The following PIGL variants were observed in gnomAD, a reference collection of about 807,000 sequenced individuals.
The protein encoded by PIGL is phosphatidylinositol glycan anchor biosynthesis class L, also known as N-acetylglucosaminyl-phosphatidylinositol de-N-acetylase.
Under a neutral mutation model 31.1 loss-of-function variants are expected in PIGL, and 22 were observed. That is an observed-to-expected ratio of 0.71 (90% confidence interval 0.51 to 1.01). The LOEUF (loss-of-function observed/expected upper bound fraction) is 1.01. Ranked by LOEUF, PIGL falls within the 50% of genes least tolerant of loss-of-function variation. PIGL has a pLI of 0.00. For synonymous variants in PIGL, 131 were observed against 117.4 expected, an observed-to-expected ratio of 1.12 and a Z score of -0.75; for missense variants, 302 against 315.9, an observed-to-expected ratio of 0.96 and a Z score of 0.33.
intron 2 of PIGL, among the ~76,000 whole-genome samples, chr17:16,245,347 G>A (rs923901574): frequency 7.9e-5 from 12 of 151,684 alleles, no homozygotes; most frequent in Non-Finnish European, 1.6e-4. Context: ...GGCTGGTCTT[G>A]AAGTCCTGAA....
At chr17:16,276,222 TAAG>T (rs1198683689) in intron 2 of PIGL, among the ~76,000 whole-genome samples, 1 of 152,150 alleles carries the variant, frequency 6.6e-6, no homozygotes, top group Non-Finnish European at 1.5e-5. Flanking sequence ...GTAAACTAAA[TAAG>T]AAGTCTTTCC....
At chr17:16,315,715 T>C (rs1189370043) in intron 4 of PIGL, among the ~76,000 whole-genome samples, 2 of 117,670 alleles carry the variant, frequency 1.7e-5, no homozygotes, top group African/African-American at 3.4e-5. Context: ...TTTCTTTTTT[T>C]TTTTTTTTTT....
chr17:16,285,669 G>A (rs757912208), intron 2 of PIGL, among the ~76,000 whole-genome samples: 4 of 152,170 alleles, frequency 2.6e-5, no homozygotes, highest in Non-Finnish European at 5.9e-5. Context: ...CTCCTAAGCT[G>A]CTTAGAAATG....
At chr17:16,294,092 T>A (rs747381976) in intron 2 of PIGL, among the ~76,000 whole-genome samples, 1 of 152,210 alleles carries the variant, frequency 6.6e-6, no homozygotes, top group Non-Finnish European at 1.5e-5. Context: ...TTTCTTTTAG[T>A]GGCTCCACCC....
At chr17:16,234,852 T>G (rs2092693365) in intron 2 of PIGL, among the ~76,000 whole-genome samples, 1 of 152,238 alleles carries the variant, frequency 6.6e-6, no homozygotes, top group Admixed American at 6.5e-5. Flanking sequence ...GGATTTTTTT[T>G]CCTGACATGG....
rs1446121481 is a variant in PIGL at position 16,233,985 on chromosome 17, C to A, written c.250C>A (p.Gln84Lys). 3 of 1,603,778 alleles carry A rather than the reference C, an allele frequency of 1.9e-6. No homozygotes were observed. The highest frequency in any genetic ancestry group is 2.2e-5 in the South Asian group (2 of 90,822). ...GTTACCCTCAGGAAATTACTACAAT[C>A]AAGGAGAGACTCGTAAGAAAGAACT... ...LCFSAGNYYN[Q>K]GETRKKELLQ... Residue 84 changes from glutamine to lysine, a missense_variant, in exon 2 of 7, where the codon CAA becomes AAA. Physicochemically the swap from Gln to Lys is moderately conservative, Grantham distance 53 (BLOSUM62 1). Transcript: ENST00000225609.
intron 3 of PIGL, among the ~76,000 whole-genome samples, chr17:16,302,326 T>C (rs2093008282): frequency 6.6e-6 from 1 of 152,130 alleles, no homozygotes; most frequent in African/African-American, 2.4e-5. Context: ...TTAGGAATAA[T>C]GCCTAGCTGT....
At chr17:16,257,190 G>T (rs530933376) in intron 2 of PIGL, among the ~76,000 whole-genome samples, 34 of 152,168 alleles carry the variant, frequency 2.2e-4, no homozygotes, top group Middle Eastern at 6.3e-3. Context: ...ACTGAGGCAG[G>T]TTGATCACCT....
intron 3 of PIGL, among the ~76,000 whole-genome samples, chr17:16,305,340 G>A (rs1361826007): frequency 6.6e-6 from 1 of 152,150 alleles, no homozygotes; most frequent in Non-Finnish European, 1.5e-5. Flanking sequence ...TGACCCTGGG[G>A]CAAAACTATC....
chr17:16,321,948 C>G (rs2093107870), intron 6 of PIGL, among the ~76,000 whole-genome samples: 1 of 151,948 alleles, frequency 6.6e-6, no homozygotes, highest in Admixed American at 6.6e-5. Context: ...CCACGCCTGG[C>G]TAATTTTGTA....
At chr17:16,284,222 C>T (rs532366125) in intron 2 of PIGL, among the ~76,000 whole-genome samples, 15 of 152,222 alleles carry the variant, frequency 9.9e-5, no homozygotes, top group African/African-American at 3.6e-4. Flanking sequence ...GGTGATCTAC[C>T]CGCCTTGGCC....
At chr17:16,317,459 A>G in intron 5 of PIGL, 5 of 1,082,544 alleles carry the variant, frequency 4.6e-6, no homozygotes, top group Non-Finnish European at 5.6e-6. Flanking sequence ...CTAAACTCCC[A>G]ATACAGTAAT....
intron 2 of PIGL, among the ~76,000 whole-genome samples, chr17:16,266,312 C>T (rs2092842460): frequency 6.9e-6 from 1 of 144,498 alleles, no homozygotes; most frequent in Non-Finnish European, 1.5e-5. Flanking sequence ...TCGCTTGAAC[C>T]TGAGAGAGGG....
intron 2 of PIGL, among the ~76,000 whole-genome samples, chr17:16,264,489 A>G (rs2092833184): frequency 6.6e-6 from 1 of 152,102 alleles, no homozygotes; most frequent in South Asian, 2.1e-4. Context: ...TAGCTGCTCT[A>G]GAAAATAACT....
intron 2 of PIGL, among the ~76,000 whole-genome samples, chr17:16,246,672 C>CTTTTTTTTTTTTTTTTTTTTTTTTTT (rs1197171634): frequency 9.3e-5 from 6 of 64,176 alleles, no homozygotes; most frequent in Admixed American, 2.1e-4. Context: ...AGATCAAGGT[C>CTTTTTTTTTTTTTTTTTTTTTTTTTT]TTTTTTTTTT....
Position 16,246,747 on chromosome 17 carries a change from G to A in PIGL, c.335+12677G>A, listed in dbSNP as rs564866015. ...AGGCCGGACTGCGGACTGCAGTGGC[G>A]CAATCTCGGCTCACTGCAAGCTCTG... On this transcript the variant is annotated intron_variant, in intron 2 of 6. Coordinates refer to ENST00000225609, the MANE Select transcript of PIGL (RefSeq NM_004278.4). Among the ~76,000 whole-genome samples, 616 of 135,308 alleles carry A rather than the reference G, an allele frequency of 4.6e-3. 8 individuals carry two copies. The highest frequency in any genetic ancestry group is 0.016 in the African/African-American group (575 of 36,432). 88.8% of individuals were successfully genotyped at this position (135,308 alleles called of 152,430 possible). A position where few individuals can be genotyped will look rare whatever the true frequency, so the allele number is the denominator to read the frequency against.
At chr17:16,319,612 G>T (rs955653688) in intron 6 of PIGL, among the ~76,000 whole-genome samples, 1 of 151,958 alleles carries the variant, frequency 6.6e-6, no homozygotes, top group African/African-American at 2.4e-5. Context: ...AAAAGTAGCC[G>T]GGCGTGGTGG....
intron 1 of PIGL, among the ~76,000 whole-genome samples, chr17:16,220,372 C>T (rs1010246228): frequency 1.3e-4 from 20 of 151,650 alleles, no homozygotes; most frequent in African/African-American, 4.9e-4. Context: ...AGAGAGAGAG[C>T]ATGCACTTGG....
At chr17:16,317,141 C>T (rs1290518247) in intron 5 of PIGL, 22 of 1,021,512 alleles carry the variant, frequency 2.2e-5, no homozygotes, top group Non-Finnish European at 2.6e-5. Context: ...TACTGCATGA[C>T]CCCCATGCTT....
Sources: gnomAD v4.1 joint callset for allele counts (sites outside exome capture counted in the v4.1 genomes callset) on GRCh38, gnomAD v4.1.1 for gene constraint, MANE v1.5 for transcripts, NCBI Gene and HGNC (gene_info 2026-07-23, HGNC 2026-07-21) for gene names.